Variants in SPAG1 observed in about 807,000 individuals in gnomAD.
SPAG1 encodes sperm-associated antigen 1.
In SPAG1, 69 loss-of-function variants were observed where a neutral mutation model predicts 100.5. The ratio of observed to expected loss-of-function variants is 0.69; its 90% CI spans 0.57 to 0.84. The LOEUF (loss-of-function observed/expected upper bound fraction) is 0.84. Ranked by LOEUF, SPAG1 falls within the 40% of genes least tolerant of loss-of-function variation. SPAG1 has a pLI of 0.00. For synonymous variants in SPAG1, 336 were observed against 411.6 expected (o/e 0.82, Z 2.22); for missense variants, 955 against 1,133.1 (o/e 0.84, Z 2.26).
chr8:100,220,989 T>C (rs1358659896), intron 13 of SPAG1, among the ~76,000 whole-genome samples: 1 of 151,946 alleles, frequency 6.6e-6, no homozygotes, highest in African/African-American at 2.4e-5. Flanking sequence ...AGGAGAATTG[T>C]TTGAACCCAG....
chr8:100,184,683 T>C lies in SPAG1; in HGVS notation c.651T>C (p.Asn217=). ...FLATREKEKG[N]EAFNSGDYEE... The stretch of plus-strand genomic sequence containing the variant: ...CCACTCGTGAAAAGGAGAAAGGAAA[T>C]GAAGCTTTCAACTCAGGAGATTATG... Residue 217 remains asparagine (N), a synonymous_variant, in exon 7 of 19, where the codon AAT becomes AAC. Transcript: ENST00000388798. The C allele has an allele frequency of 1.3e-6, 2 of 1,586,908 alleles. No individual in the cohort carries two copies.
At chr8:100,182,759 T>C (rs2030945792) in intron 4 of SPAG1, among the ~76,000 whole-genome samples, 1 of 152,216 alleles carries the variant, frequency 6.6e-6, no homozygotes, top group Non-Finnish European at 1.5e-5. Flanking sequence ...AGTACTTTTT[T>C]ATTATAAGAA....
At chr8:100,212,243 C>G (rs2132347288) in intron 10 of SPAG1, among the ~76,000 whole-genome samples, 1 of 152,188 alleles carries the variant, frequency 6.6e-6, no homozygotes, top group South Asian at 2.1e-4. Context: ...AAAATCTTGG[C>G]TTTACCATTC....
rs889397249 is a variant in SPAG1, at chr8:100,213,459, G to T, written c.1435+31G>T. ...TGCGCCGCGCCCCGCCGCTTCCTGG[G>T]CCCCTCGCGCTGCGGTTCACCCGAC... On this transcript the variant is annotated intron_variant, in intron 11 of 18. Transcript: ENST00000388798. 5.8e-6 allele frequency: 8 copies of T among 1,370,424 alleles called. No homozygotes were observed. In the African/African-American group the frequency reaches 6.1e-5, roughly 10 times the overall value. The allele number at this position is 1,370,424 out of a possible 1,614,324, so 84.9% of individuals were successfully genotyped here.
chr8:100,239,329 T>C lies in SPAG1; in HGVS notation c.2205T>C (p.Thr735=). The C allele has an allele frequency of 1.3e-6, 2 of 1,584,680 alleles. No individual in the cohort carries two copies. Among genetic ancestry groups the C allele is most frequent in the South Asian group, 2.3e-5 (2 of 87,240 alleles). The change falls in exon 17 of 19, where the codon ACT becomes ACC. Residue 735 remains threonine (T), a synonymous_variant. Transcript: ENST00000388798. This position sits in a 1 kb window ranked among gnomAD's most constrained non-coding sequence, Gnocchi z 5.0. ...IEAKMELEEV[T]RLLNLKDKTA... ...CAAAGATGGAACTGGAAGAGGTAAC[T>C]AGACTCCTTAATCTTAAGGATAAGA...
intron 15 of SPAG1, among the ~76,000 whole-genome samples, chr8:100,232,362 T>A (rs1008381340): frequency 6.6e-6 from 1 of 152,064 alleles, no homozygotes; most frequent in African/African-American, 2.4e-5. Context: ...CCTTTTTCCT[T>A]TCTACGTACT....
intron 1 of SPAG1, among the ~76,000 whole-genome samples, chr8:100,161,502 T>A (rs1815304399): frequency 6.6e-6 from 1 of 152,184 alleles, no homozygotes; most frequent in South Asian, 2.1e-4. Context: ...GGCTGGGATG[T>A]AACAAAAGCC....
In SPAG1 at chr8:100,176,799, A is replaced by AT. The variant is rs766448615; in HGVS notation, c.301-1016dup. Among the ~76,000 whole-genome samples the AT allele has an allele frequency of 3.2e-4, 41 of 126,362 alleles. No homozygotes were observed. The Middle Eastern group carries it at 0.013, about 41-fold the overall frequency. The allele number at this position is 126,362 out of a possible 152,430, so 82.9% of individuals were successfully genotyped here. A position where few individuals can be genotyped will look rare whatever the true frequency, so the allele number is the denominator to read the frequency against. On this transcript the variant is annotated intron_variant, in intron 3 of 18. Coordinates refer to ENST00000388798, the MANE Select transcript of SPAG1 (RefSeq NM_003114.5). ...GCCGCAGTGATGCAATGATGGCCTC[A>AT]TAAATTTCCCTCTCCTCTCCTCTCC... is the stretch of plus-strand genomic sequence containing the variant.
At chr8:100,194,738 A>T (rs1054502704) in intron 10 of SPAG1, 8 of 223,962 alleles carry the variant, frequency 3.6e-5, no homozygotes, top group African/African-American at 1.4e-4. Flanking sequence ...AATAAGTATA[A>T]TTTAACACTT....
intron 9 of SPAG1, among the ~76,000 whole-genome samples, chr8:100,192,927 A>G (rs1816874193): frequency 6.6e-6 from 1 of 152,212 alleles, no homozygotes; most frequent in African/African-American, 2.4e-5. Context: ...CCTGGTTTCA[A>G]ATGCATTTTT....
chr8:100,224,285 C>T (rs1206177634), intron 13 of SPAG1, among the ~76,000 whole-genome samples: 1 of 152,066 alleles, frequency 6.6e-6, no homozygotes, highest in African/African-American at 2.4e-5. Context: ...TGCGGTGGCT[C>T]ACGCCTGTAA....
chr8:100,162,116 G>A (rs1178510125), intron 1 of SPAG1, among the ~76,000 whole-genome samples, 163 bp from the exon 2 acceptor site: 1 of 152,024 alleles, frequency 6.6e-6, no homozygotes, highest in Non-Finnish European at 1.5e-5. Flanking sequence ...ATTGCTTGAG[G>A]CCAGAAGTTA....
chr8:100,240,193 A>T lies in SPAG1; in HGVS notation c.2281-210A>T, dbSNP rs560485857. Among the ~76,000 whole-genome samples the T allele has an allele frequency of 5.3e-5, 8 of 152,336 alleles. No homozygotes were observed. The South Asian group carries it at 8.3e-4, about 16-fold the overall frequency. ...ATTAAATTTTGTTGTCATAGTTTCA[A>T]TGTCAAATAATTTTTTAAAACTTTT... On this transcript the variant is annotated intron_variant, in intron 17 of 18. Transcript: ENST00000388798.
At chr8:100,205,844 G>A (rs766222926) in intron 10 of SPAG1, among the ~76,000 whole-genome samples, 2 of 151,292 alleles carry the variant, frequency 1.3e-5, no homozygotes, top group African/African-American at 2.4e-5. Context: ...GTGAAACCCC[G>A]TCTCTACTAA....
chr8:100,215,569 CGCT>C (rs1256313548), intron 12 of SPAG1, among the ~76,000 whole-genome samples: 2 of 152,190 alleles, frequency 1.3e-5, no homozygotes, highest in Non-Finnish European at 2.9e-5. Flanking sequence ...GACAGAGTCT[CGCT>C]CTGTTGCCCA....
rs568972257 is a variant in SPAG1 at position 100,238,876 on chromosome 8, A to T, written c.2116-364A>T. Among the ~76,000 whole-genome samples, 28 of 152,282 alleles carry T rather than the reference A, an allele frequency of 1.8e-4. 1 individual carries two copies. The highest frequency in any genetic ancestry group is 6.5e-4 in the African/African-American group (27 of 41,542). ...CTGAAGCCCAGAAAGGTTAAGTAGG[A>T]TCTTAAGTTTCATTGCTAGTAGGTG... On this transcript the variant is annotated intron_variant, in intron 16 of 18. Transcript: ENST00000388798.
rs117525425 is a variant in SPAG1 at position 100,212,851 on chromosome 8, G to C, written c.1097-239G>C. Among the ~76,000 whole-genome samples the C allele has an allele frequency of 2.9e-3, 434 of 151,668 alleles. 11 individuals are homozygous for C. The East Asian group carries it at 0.064, about 22-fold the overall frequency. On this transcript the variant is annotated intron_variant, in intron 10 of 18. Transcript: ENST00000388798. Reference sequence around the variant, plus strand: ...GCTTAAACAGTTAGAGACAGGGTACGTTTCTGGCCGAAACCCGGGAGCCGA... The same window carrying C: ...GCTTAAACAGTTAGAGACAGGGTACCTTTCTGGCCGAAACCCGGGAGCCGA...
At chr8:100,177,697 C>A in intron 3 of SPAG1, 119 bp from the exon 4 acceptor site, 1 of 483,502 alleles carries the variant, frequency 2.1e-6, no homozygotes, top group Non-Finnish European at 3.4e-6. Context: ...GAAAAAAATC[C>A]ACATATAAGT....
At chr8:100,199,995 C>T (rs569043657) in intron 10 of SPAG1, among the ~76,000 whole-genome samples, 12 of 151,112 alleles carry the variant, frequency 7.9e-5, no homozygotes, top group East Asian at 2.0e-4. Flanking sequence ...ATGTGCACAA[C>T]GTGCAGGTTT....
Sources: gnomAD v4.1 joint callset for allele counts (sites outside exome capture counted in the v4.1 genomes callset) on GRCh38, gnomAD v4.1.1 for gene constraint, Gnocchi (gnomAD v3.1) non-coding constraint, MANE v1.5 for transcripts, NCBI Gene and HGNC (gene_info 2026-07-23, HGNC 2026-07-21) for gene names.